GSTA3: variants seen among roughly 807,000 people sequenced by gnomAD.
GSTA3 encodes the protein glutathione S-transferase A3.
GSTA3 carries 16 observed loss-of-function variants against 23.1 expected under a neutral mutation model. The observed-to-expected ratio is 0.69, with a 90% CI of 0.47 to 1.05. The LOEUF is 1.05. GSTA3 is among the 50% of genes least tolerant of loss of function. The probability of loss-of-function intolerance (pLI) is 0.00; values close to 1 mark genes in which losing one functional copy is unlikely to be tolerated. For missense variants in GSTA3, 319 were observed against 263.6 expected (o/e 1.21, Z -1.46); for synonymous variants, 122 against 91.0 (o/e 1.34, Z -1.94).
chr6:52,897,796 G>C, intron 6 of GSTA3, 29 bp downstream of exon 6: 2 of 1,612,216 alleles, frequency 1.2e-6, no homozygotes, highest in Non-Finnish European at 1.7e-6. Context: ...ATGTGGGGCT[G>C]TCTCTCTGAG....
intron 1 of GSTA3, among the ~76,000 whole-genome samples, chr6:52,906,531 C>T (rs1475477177): frequency 1.3e-5 from 2 of 152,170 alleles, no homozygotes; most frequent in African/African-American, 2.4e-5. Context: ...AAGAACAAAG[C>T]TGGAGGCATC....
chr6:52,899,871 A>G, intron 5 of GSTA3, 63 bp downstream of exon 5: 2 of 1,506,450 alleles, frequency 1.3e-6, no homozygotes, highest in East Asian at 2.3e-5. Flanking sequence ...AGGAATGCCC[A>G]GCCACTATTT....
intron 1 of GSTA3, among the ~76,000 whole-genome samples, chr6:52,908,684 A>T (rs966251017): frequency 6.6e-6 from 1 of 152,214 alleles, no homozygotes; most frequent in African/African-American, 2.4e-5. Flanking sequence ...TTTTAATTGG[A>T]TAAGTGCTTT....
intron 1 of GSTA3, among the ~76,000 whole-genome samples, chr6:52,909,349 G>T (rs1251771198): frequency 6.6e-6 from 1 of 152,154 alleles, no homozygotes; most frequent in Non-Finnish European, 1.5e-5. Context: ...GCAACCTTTG[G>T]CATGTGGCCT....
chr6:52,902,923 G>A (rs540685922), intron 3 of GSTA3, among the ~76,000 whole-genome samples: 60 of 152,258 alleles, frequency 3.9e-4, no homozygotes, highest in African/African-American at 1.3e-3. Context: ...CAAGCCTACA[G>A]TATTACTACA....
intron 1 of GSTA3, among the ~76,000 whole-genome samples, chr6:52,908,099 T>C (rs1184615882): frequency 6.6e-6 from 1 of 151,338 alleles, no homozygotes; most frequent in Non-Finnish European, 1.5e-5. Context: ...AGTGCATTGC[T>C]CAAAGTTCAG....
intron 1 of GSTA3, among the ~76,000 whole-genome samples, chr6:52,907,475 A>G (rs1431270163): frequency 1.3e-5 from 2 of 150,386 alleles, no homozygotes; most frequent in Non-Finnish European, 1.5e-5. Flanking sequence ...ATTACTGGGT[A>G]TATACCGAAA....
chr6:52,902,594 G>T, intron 3 of GSTA3, 116 bp from the exon 4 acceptor site: 1 of 1,086,820 alleles, frequency 9.2e-7, no homozygotes, highest in Non-Finnish European at 1.3e-6. Context: ...ATTATTGCCT[G>T]CTAACCTCAA....
intron 4 of GSTA3, among the ~76,000 whole-genome samples, chr6:52,900,329 C>T (rs889171536): frequency 6.9e-6 from 1 of 144,030 alleles, no homozygotes; most frequent in Admixed American, 7.2e-5. Flanking sequence ...GTTATACAAT[C>T]TTGGCTCACT....
chr6:52,907,024 G>A (rs1003099710), intron 1 of GSTA3, among the ~76,000 whole-genome samples: 4 of 148,202 alleles, frequency 2.7e-5, no homozygotes, highest in East Asian at 3.9e-4. Flanking sequence ...GAGTGAACAG[G>A]CAACCTACAA....
intron 2 of GSTA3, among the ~76,000 whole-genome samples, chr6:52,904,726 G>A (rs1375188903): frequency 1.3e-5 from 2 of 152,146 alleles, no homozygotes; most frequent in East Asian, 3.8e-4. Context: ...GGTCTGGACT[G>A]GGAAGTGTTT....
Position 52,896,668 on chromosome 6 carries a change from TA to T in GSTA3, c.*137del. The stretch of plus-strand genomic sequence containing the variant: ...AACTAAGTTAGCAAATAGGAGTTTT[TA>T]TTATTTAATTAGCATATAATTGGAA... On this transcript the variant is annotated 3_prime_UTR_variant, in exon 7 of 7. Coordinates refer to ENST00000211122, the MANE Select transcript of GSTA3 (RefSeq NM_000847.5). 1.0e-6 allele frequency: 1 copy of T among 968,620 alleles called. No homozygotes were observed. Among genetic ancestry groups the T allele is most frequent in the Non-Finnish European group, 1.5e-6 (1 of 671,836 alleles). 60.0% of individuals were successfully genotyped at this position (968,620 alleles called of 1,614,324 possible).
rs1308427983 is a variant in GSTA3, at chr6:52,902,346, A to G, written c.272T>C (p.Leu91Pro). The G allele has an allele frequency of 6.2e-7, 1 of 1,613,580 alleles. No individual in the cohort carries two copies. Among genetic ancestry groups the G allele is most frequent in the African/African-American group, 1.3e-5 (1 of 74,882 alleles). Residue 91 changes from leucine to proline, a missense_variant and splice_region_variant, in exon 4 of 7, where the codon CTA becomes CCA. By Grantham distance (98) the Leu-to-Pro change is moderately conservative. Coordinates refer to ENST00000211122, the MANE Select transcript of GSTA3 (RefSeq NM_000847.5). ...TGGAAGAACACAAAATATACCGTAC[A>G]GGGCTCTCTCCTTTATGTCTTTCCC... ...LYGKDIKERA[L>P]IDMYTEGMAD... is the part of the protein sequence containing the mutation.
intron 1 of GSTA3, among the ~76,000 whole-genome samples, chr6:52,907,768 G>C (rs1169491330): frequency 1.4e-5 from 2 of 140,722 alleles, no homozygotes; most frequent in Admixed American, 8.1e-5. Context: ...GGTGGGAATT[G>C]AACAATGAGA....
In GSTA3 at chr6:52,897,908, G is replaced by A. The variant is rs370835749; in HGVS notation, c.463C>T (p.Arg155Trp). The change falls in exon 6 of 7, where the codon CGG (arginine) becomes TGG (tryptophan). Residue 155 changes from arginine to tryptophan, a missense_variant. By Grantham distance (101) the Arg-to-Trp change is moderately radical. Transcript: ENST00000211122. ...QDYLVGNKLS[R>W]ADISLVELLY... ...AGTTCCACCAGGCTAATGTCAGCCC[G>A]GCTCAGCTTGTTGCCAACAAGGTAG... is the stretch of plus-strand genomic sequence containing the variant. 1.5e-4 allele frequency: 250 copies of A among 1,613,934 alleles called. 3 individuals carry two copies. The South Asian group carries it at 1.9e-3, about 12-fold the overall frequency.
chr6:52,904,693 G>A (rs1326668432), intron 2 of GSTA3, among the ~76,000 whole-genome samples: 1 of 152,120 alleles, frequency 6.6e-6, no homozygotes, highest in African/African-American at 2.4e-5. Flanking sequence ...AAACCCTCAG[G>A]CAGTTAGTTA....
Position 52,896,820 on chromosome 6 carries a change from T to C in GSTA3, c.655A>G (p.Ile219Val), listed in dbSNP as rs773410740. ...TGGCTGCTTTATTAAAACCTGAAAA[T>C]CTTTCTGGCTTCTTCTAAAGCTTTT... ...DAKALEEARK[I>V]FRF Residue 219 changes from isoleucine to valine, a missense_variant, in exon 7 of 7, where the codon ATT becomes GTT. By Grantham distance (29) the Ile-to-Val change is conservative (BLOSUM62 3). Transcript: ENST00000211122. 1.2e-6 allele frequency: 2 copies of C among 1,614,010 alleles called. No homozygotes were observed. Among genetic ancestry groups the C allele is most frequent in the South Asian group, 2.2e-5 (2 of 91,080 alleles).
chr6:52,903,684 A>C lies in GSTA3; in HGVS notation c.131T>G (p.Leu44Ter), dbSNP rs1188351192. 1 of 1,567,026 alleles carries C rather than the reference A, an allele frequency of 6.4e-7. No homozygotes were observed. Among genetic ancestry groups the C allele is most frequent in the South Asian group, 1.1e-5 (1 of 90,010 alleles). Residue 44 changes from leucine (L) to a stop codon, truncating the protein, a stop_gained, in exon 3 of 7, where the codon TTA becomes TGA. Coordinates refer to ENST00000211122, the MANE Select transcript of GSTA3 (RefSeq NM_000847.5). LOFTEE classifies it high-confidence loss of function. ...TAGAGACTTGATCTTACCATTTCTTAACTTTCCCAAATCTTCTGCAGATCC... is the reference window on the plus strand; with the variant it reads ...TAGAGACTTGATCTTACCATTTCTTCACTTTCCCAAATCTTCTGCAGATCC... ...FIGSAEDLGK[L>*]RNDGSLMFQQ...
At chr6:52,907,572 C>T (rs1225704948) in intron 1 of GSTA3, among the ~76,000 whole-genome samples, 1 of 150,402 alleles carries the variant, frequency 6.6e-6, no homozygotes, top group Non-Finnish European at 1.5e-5. Context: ...TGGAACCAAC[C>T]CAAATGTCCA....
Sources: allele counts gnomAD v4.1 joint callset (sites outside exome capture counted in the v4.1 genomes callset), GRCh38; gene constraint gnomAD v4.1.1; transcripts MANE v1.5; gene names NCBI Gene and HGNC (gene_info 2026-07-23, HGNC 2026-07-21).